The following BMP2K variants were observed in gnomAD, a reference collection of about 807,000 sequenced individuals.
The protein encoded by BMP2K is BMP2 inducible kinase, also known as BMP-2-inducible protein kinase.
BMP2K carries 74 observed loss-of-function variants against 116.0 expected under a neutral mutation model. The ratio of observed to expected loss-of-function variants is 0.64; its 90% CI spans 0.53 to 0.77. BMP2K has a LOEUF of 0.77. Ranked by LOEUF, BMP2K falls within the 30% of genes least tolerant of loss-of-function variation. The pLI, the probability that BMP2K is intolerant of heterozygous loss-of-function variation, is 0.00. For missense variants in BMP2K, 1,365 were observed against 1,403.6 expected (o/e 0.97, Z 0.44); for synonymous variants, 486 against 502.5 (o/e 0.97, Z 0.44).
Position 78,776,538 on chromosome 4 carries a change from G to C in BMP2K, c.-6G>C, listed in dbSNP as rs1021329427. On this transcript the variant is annotated 5_prime_UTR_variant, in exon 1 of 16. Coordinates refer to ENST00000502613, the MANE Select transcript of BMP2K (RefSeq NM_198892.2). ...TCCCTGCGCCCTCCAGCTCGCCGGC[G>C]GGACCATGAAGAAGTTCTCTCGGAT... 1 of 1,145,630 alleles carries C rather than the reference G, an allele frequency of 8.7e-7. No homozygotes were observed. Among genetic ancestry groups the C allele is most frequent in the Non-Finnish European group, 1.1e-6 (1 of 928,932 alleles). The allele number at this position is 1,145,630 out of a possible 1,614,324, so 71.0% of individuals were successfully genotyped here.
At chr4:78,840,529 C>G (rs1730708371) in intron 3 of BMP2K, among the ~76,000 whole-genome samples, 1 of 152,048 alleles carries the variant, frequency 6.6e-6, no homozygotes, top group Admixed American at 6.6e-5. Flanking sequence ...CAGGTGTGAG[C>G]TAAGTTGCAA....
chr4:78,777,263 G>C (rs1386301935), intron 1 of BMP2K, among the ~76,000 whole-genome samples: 1 of 152,212 alleles, frequency 6.6e-6, no homozygotes, highest in East Asian at 1.9e-4. Flanking sequence ...AATTCAGTTA[G>C]TAGGTTGCAC....
Position 78,826,162 on chromosome 4 carries a change from G to A in BMP2K, c.297+7G>A. 3.1e-6 allele frequency: 5 copies of A among 1,591,770 alleles called. No homozygotes were observed. The highest frequency in any genetic ancestry group is 4.3e-6 in the Non-Finnish European group (5 of 1,161,452). Reference sequence around the variant, plus strand: ...AAGGGAAATTACAATTATGGTAAGTGAAGGAGTAGTTCTCTTTCAGAAATT... The same window carrying A: ...AAGGGAAATTACAATTATGGTAAGTAAAGGAGTAGTTCTCTTTCAGAAATT... On this transcript the variant is annotated splice_region_variant and intron_variant, in intron 2 of 15. Coordinates refer to ENST00000502613, the MANE Select transcript of BMP2K (RefSeq NM_198892.2).
chr4:78,860,716 TA>T (rs1397852533), intron 8 of BMP2K, among the ~76,000 whole-genome samples: 2 of 151,628 alleles, frequency 1.3e-5, no homozygotes, highest in Non-Finnish European at 3.0e-5. Context: ...GGGTTTCCTT[TA>T]TGTGTAACTT....
rs551287104 is a variant in BMP2K at position 78,860,317 on chromosome 4, A to G, written c.987+630A>G. On this transcript the variant is annotated intron_variant, in intron 8 of 15. Coordinates refer to ENST00000502613, the MANE Select transcript of BMP2K (RefSeq NM_198892.2). ...ATCCTTATAACAAAGCTGCACTTGT[A>G]TCCCCTAAAACTACAAAAAAGTTTT... 3.9e-5 allele frequency among the ~76,000 whole-genome samples: 6 copies of G among 151,984 alleles called. No homozygotes were observed. In the East Asian group the frequency reaches 1.2e-3, roughly 29 times the overall value.
intron 1 of BMP2K, among the ~76,000 whole-genome samples, chr4:78,796,588 G>T (rs572352292): frequency 6.6e-6 from 1 of 152,078 alleles, no homozygotes; most frequent in Non-Finnish European, 1.5e-5. Flanking sequence ...AAGAGGTGAG[G>T]TATTTTTGTA....
At chr4:78,838,734 G>A (rs1730613713) in intron 3 of BMP2K, among the ~76,000 whole-genome samples, 1 of 152,194 alleles carries the variant, frequency 6.6e-6, no homozygotes, top group Admixed American at 6.5e-5. Context: ...ACTGTACAGA[G>A]AGTAAAACAA....
At chr4:78,825,849 A>C (rs1314395021) in intron 1 of BMP2K, among the ~76,000 whole-genome samples, 188 bp from the exon 2 acceptor site, 1 of 152,228 alleles carries the variant, frequency 6.6e-6, no homozygotes. Flanking sequence ...TTTTCCTCTA[A>C]GTACTACTTC....
chr4:78,825,887 G>A, intron 1 of BMP2K, 150 bp from the exon 2 acceptor site: 1 of 594,034 alleles, frequency 1.7e-6, no homozygotes, highest in Non-Finnish European at 2.9e-6. Context: ...CCAGTGTTTT[G>A]GCATTTAATC....
chr4:78,827,233 TC>T (rs1176972471), intron 2 of BMP2K, among the ~76,000 whole-genome samples: 1 of 152,016 alleles, frequency 6.6e-6, no homozygotes, highest in Non-Finnish European at 1.5e-5. Context: ...CACTGTCTTA[TC>T]TTTCTTTCTT....
At chr4:78,892,536 A>G (rs1733494110) in intron 15 of BMP2K, among the ~76,000 whole-genome samples, 1 of 152,114 alleles carries the variant, frequency 6.6e-6, no homozygotes, top group African/African-American at 2.4e-5. Context: ...TCTGCTCTTT[A>G]TTTATTGACA....
At chr4:78,887,993 C>T (rs553311107) in intron 15 of BMP2K, 3 of 152,314 alleles carry the variant, frequency 2.0e-5, no homozygotes, top group African/African-American at 4.8e-5. Flanking sequence ...TTTTGTTTCT[C>T]ACTCAGGCAA....
intron 9 of BMP2K, among the ~76,000 whole-genome samples, chr4:78,863,110 C>A (rs1731873248): frequency 6.6e-6 from 1 of 151,890 alleles, no homozygotes; most frequent in African/African-American, 2.4e-5. Flanking sequence ...AGTTACAAGA[C>A]AATGAAATAG....
intron 1 of BMP2K, among the ~76,000 whole-genome samples, chr4:78,824,973 G>A (rs766943799): frequency 6.6e-6 from 1 of 152,148 alleles, no homozygotes; most frequent in Non-Finnish European, 1.5e-5. Flanking sequence ...GGGACAAGGC[G>A]GGCGGATCAT....
At chr4:78,876,103 TTGAG>T (rs1270943660) in intron 13 of BMP2K, among the ~76,000 whole-genome samples, 9 of 152,192 alleles carry the variant, frequency 5.9e-5, no homozygotes, top group Admixed American at 2.0e-4. Context: ...GATAACCCTA[TTGAG>T]TTACAGTCTG....
At chr4:78,861,762 C>A (rs1360824687) in intron 9 of BMP2K, among the ~76,000 whole-genome samples, 1 of 151,852 alleles carries the variant, frequency 6.6e-6, no homozygotes. Context: ...CATCACATAG[C>A]AACTCTAGTT....
At chr4:78,829,793 T>TTTTC (rs1730100854) in intron 2 of BMP2K, among the ~76,000 whole-genome samples, 1 of 81,026 alleles carries the variant, frequency 1.2e-5, no homozygotes, top group African/African-American at 4.4e-5. Context: ...TTCTTTTCTC[T>TTTTC]TCTCTTCTCT....
intron 1 of BMP2K, 63 bp from the exon 2 acceptor site, chr4:78,825,974 T>C: frequency 7.4e-6 from 9 of 1,224,240 alleles, no homozygotes; most frequent in Non-Finnish European, 1.1e-5. Flanking sequence ...TCTATGATTA[T>C]ATTACATGAT....
intron 15 of BMP2K, chr4:78,906,173 A>G (rs1378060911): frequency 6.6e-6 from 1 of 152,072 alleles, no homozygotes; most frequent in Non-Finnish European, 1.5e-5. Flanking sequence ...TGGAGAGATA[A>G]AAGGATTAAT....
Sources: allele counts gnomAD v4.1 joint callset (sites outside exome capture counted in the v4.1 genomes callset), GRCh38; gene constraint gnomAD v4.1.1; transcripts MANE v1.5; gene names NCBI Gene and HGNC (gene_info 2026-07-23, HGNC 2026-07-21).